The following ME1 variants were observed in gnomAD, a reference collection of about 807,000 sequenced individuals.
ME1 encodes the protein malic enzyme 1, also known as NADP-dependent malic enzyme.
Under a neutral mutation model 66.4 loss-of-function variants are expected in ME1, and 74 were observed. That is an observed-to-expected ratio of 1.11 (90% CI 0.92 to 1.35). The LOEUF (loss-of-function observed/expected upper bound fraction) is 1.35. ME1 is among the 40% of genes most tolerant of loss of function. The probability of loss-of-function intolerance (pLI) is 0.00; values close to 1 mark genes in which losing one functional copy is unlikely to be tolerated. For synonymous variants in ME1, 251 were observed against 235.6 expected, an observed-to-expected ratio of 1.07 and a Z score of -0.60; for missense variants, 750 against 694.1, an observed-to-expected ratio of 1.08 and a Z score of -0.90.
chr6:83,326,063 A>G (rs934437648), intron 5 of ME1, among the ~76,000 whole-genome samples: 3 of 152,162 alleles, frequency 2.0e-5, no homozygotes, highest in African/African-American at 7.2e-5. Context: ...ATATAGACCA[A>G]TGGAACAGAA....
At chr6:83,265,412 TCAG>T (rs1766971667) in intron 6 of ME1, among the ~76,000 whole-genome samples, 2 of 152,102 alleles carry the variant, frequency 1.3e-5, no homozygotes, top group African/African-American at 4.8e-5. Context: ...TTTTCCCATT[TCAG>T]CCTCCCTAGT....
chr6:83,281,253 G>T (rs1338499772), intron 6 of ME1, among the ~76,000 whole-genome samples: 1 of 152,084 alleles, frequency 6.6e-6, no homozygotes, highest in African/African-American at 2.4e-5. Flanking sequence ...AACATCATGG[G>T]TCTATAGTGA....
At chr6:83,224,068 T>A in intron 11 of ME1, 135 bp from the exon 12 acceptor site, 1 of 778,448 alleles carries the variant, frequency 1.3e-6, no homozygotes, top group Non-Finnish European at 2.0e-6. Flanking sequence ...AACTTGCTAA[T>A]AAGTCTGGAC....
chr6:83,411,359 G>A (rs577261773), intron 1 of ME1, among the ~76,000 whole-genome samples: 47 of 150,032 alleles, frequency 3.1e-4, no homozygotes, highest in Middle Eastern at 3.4e-3. Flanking sequence ...GCAAGACTCC[G>A]TCTCAAGAAA....
intron 10 of ME1, among the ~76,000 whole-genome samples, chr6:83,228,281 T>G (rs1021506009): frequency 1.3e-5 from 2 of 152,336 alleles, no homozygotes; most frequent in Admixed American, 1.3e-4. Context: ...ATGTGATCCC[T>G]GTCTTCCAGG....
chr6:83,320,987 G>T (rs191392188), intron 5 of ME1, among the ~76,000 whole-genome samples: 35 of 152,236 alleles, frequency 2.3e-4, no homozygotes, highest in Admixed American at 1.9e-3. Context: ...TAGACAGTGG[G>T]TACAGCCCAC....
intron 3 of ME1, among the ~76,000 whole-genome samples, chr6:83,384,622 C>A (rs186415051): frequency 5.8e-4 from 88 of 151,874 alleles, no homozygotes; most frequent in Non-Finnish European, 4.4e-5. Flanking sequence ...TTAATAGTTT[C>A]TTTTGCTGTG....
intron 2 of ME1, among the ~76,000 whole-genome samples, chr6:83,398,831 T>C (rs1030153220): frequency 1.3e-5 from 2 of 149,618 alleles, no homozygotes; most frequent in South Asian, 2.1e-4. Context: ...TGGCCGGGCA[T>C]GGTGGCTCAC....
chr6:83,395,480 C>CTT (rs202031901), intron 3 of ME1, among the ~76,000 whole-genome samples: 2 of 141,262 alleles, frequency 1.4e-5, no homozygotes, highest in Non-Finnish European at 3.1e-5. Flanking sequence ...TAAATCTTTT[C>CTT]TTTTTTTTTT....
intron 6 of ME1, among the ~76,000 whole-genome samples, chr6:83,294,509 C>T (rs1421948762): frequency 6.6e-6 from 1 of 152,128 alleles, no homozygotes; most frequent in Non-Finnish European, 1.5e-5. Context: ...ACAAGCAGAG[C>T]CCCCTGCTCA....
At chr6:83,232,947 C>T (rs913920223) in intron 9 of ME1, among the ~76,000 whole-genome samples, 5 of 151,958 alleles carry the variant, frequency 3.3e-5, no homozygotes, top group African/African-American at 1.2e-4. Context: ...AAAATAAAAA[C>T]GAAATTCAAA....
chr6:83,370,817 A>G (rs1243305819), intron 3 of ME1, among the ~76,000 whole-genome samples: 3 of 152,172 alleles, frequency 2.0e-5, no homozygotes, highest in Non-Finnish European at 4.4e-5. Flanking sequence ...GGGCCAATAT[A>G]AACTGACTAT....
At position 83,283,249 on chromosome 6, in the gene ME1, T is replaced by A. The variant is rs9766960; in HGVS notation, c.705-29511A>T. Among the ~76,000 whole-genome samples the A allele has an allele frequency of 4.5e-3, 426 of 95,154 alleles. 3 individuals carry two copies. The highest frequency in any genetic ancestry group is 0.01 in the African/African-American group (185 of 17,794). 62.4% of individuals were successfully genotyped at this position (95,154 alleles called of 152,430 possible). On this transcript the variant is annotated intron_variant, in intron 6 of 13. Coordinates refer to ENST00000369705, the MANE Select transcript of ME1 (RefSeq NM_002395.6). ...TCTCAAAAAAAAAAAAAAAAAAAAA[T>A]GATGAGTTCATGTCCTTTGCAGGGG... is the stretch of plus-strand genomic sequence containing the variant.
intron 5 of ME1, among the ~76,000 whole-genome samples, chr6:83,334,681 G>T (rs1768493310): frequency 2.1e-5 from 1 of 48,494 alleles, no homozygotes; most frequent in Non-Finnish European, 3.7e-5. Context: ...CAACCTAACT[G>T]GGAGGCACCC....
intron 3 of ME1, among the ~76,000 whole-genome samples, chr6:83,358,339 A>G (rs1163271477): frequency 6.6e-6 from 1 of 152,130 alleles, no homozygotes; most frequent in Non-Finnish European, 1.5e-5. Context: ...ACCAACGACC[A>G]TAATAAAGCT....
chr6:83,247,089 G>A (rs920765643), intron 7 of ME1, among the ~76,000 whole-genome samples: 6 of 152,038 alleles, frequency 3.9e-5, no homozygotes, highest in Admixed American at 2.6e-4. Flanking sequence ...CAAAAATGTA[G>A]CCTAATATAT....
At chr6:83,288,830 TTGAGCAG>T (rs1404933093) in intron 6 of ME1, among the ~76,000 whole-genome samples, 5 of 152,220 alleles carry the variant, frequency 3.3e-5, no homozygotes, top group Non-Finnish European at 7.3e-5. Flanking sequence ...TATTATTTCC[TTGAGCAG>T]TGGTTTGTAG....
chr6:83,348,984 C>CAAAAAAAAA (rs71545855), intron 4 of ME1, among the ~76,000 whole-genome samples: 19 of 47,174 alleles, frequency 4.0e-4, no homozygotes, highest in African/African-American at 1.3e-3. Flanking sequence ...AACTCTGTCT[C>CAAAAAAAAA]AAAAAAAAAA....
intron 3 of ME1, among the ~76,000 whole-genome samples, chr6:83,388,905 C>T (rs914583260): frequency 3.9e-5 from 6 of 152,050 alleles, no homozygotes; most frequent in African/African-American, 1.4e-4. Context: ...CTCTTGAGCC[C>T]AGAAGTTTGA....
Sources: allele counts gnomAD v4.1 joint callset (sites outside exome capture counted in the v4.1 genomes callset), GRCh38; gene constraint gnomAD v4.1.1; transcripts MANE v1.5; gene names NCBI Gene and HGNC (gene_info 2026-07-23, HGNC 2026-07-21).